The following MYEF2 variants were observed in gnomAD, a reference collection of about 807,000 sequenced individuals.
MYEF2 encodes the protein myelin gene expression factor 2.
In MYEF2, 37 loss-of-function variants were observed where a neutral mutation model predicts 75.2. That is an observed-to-expected ratio of 0.49 (90% CI 0.38 to 0.65). The LOEUF is 0.65. Ranked by LOEUF, MYEF2 falls within the 30% of genes least tolerant of loss-of-function variation. The pLI, the probability that MYEF2 is intolerant of heterozygous loss-of-function variation, is 0.00. For synonymous variants in MYEF2, 195 were observed against 241.6 expected, an observed-to-expected ratio of 0.81 and a Z score of 1.79; for missense variants, 634 against 771.4, an observed-to-expected ratio of 0.82 and a Z score of 2.11.
At chr15:48,145,112 T>C (rs1157615920) in intron 16 of MYEF2, among the ~76,000 whole-genome samples, 1 of 151,830 alleles carries the variant, frequency 6.6e-6, no homozygotes, top group African/African-American at 2.4e-5. Context: ...AAAAATTTTC[T>C]AGTTGACAAG....
intron 5 of MYEF2, among the ~76,000 whole-genome samples, chr15:48,161,674 C>A (rs770868695): frequency 7.3e-5 from 11 of 150,530 alleles, no homozygotes; most frequent in Admixed American, 3.3e-4. Context: ...ATTTAGCATC[C>A]AATATTATAT....
At position 48,153,843 on chromosome 15, in the gene MYEF2, T is replaced by C. The variant is rs139090316; in HGVS notation, c.1036A>G (p.Ser346Gly). 4 of 1,613,416 alleles carry C rather than the reference T, an allele frequency of 2.5e-6. No individual in the cohort carries two copies. The African/African-American group carries it at 5.3e-5, about 22-fold the overall frequency. ...CCACCTATGTTCAACTGGCTGGCAC[T>C]AATAGGCTGTCCACCCGGACCAAGT... The part of the protein sequence containing the change: ...MGLGPGGQPI[S>G]ASQLNIGGVM... Residue 346 changes from serine (S) to glycine (G), a missense_variant, in exon 10 of 17, where the codon AGT becomes GGT. Ser to Gly is a moderately conservative substitution (Grantham distance 56). Transcript: ENST00000324324.
At chr15:48,143,155 T>C (rs1390128244) in intron 16 of MYEF2, 84 bp from the exon 17 acceptor site, 19 of 786,294 alleles carry the variant, frequency 2.4e-5, no homozygotes, top group African/African-American at 5.4e-5. Context: ...TCATAGCCAA[T>C]TGTGATAATT....
chr15:48,142,219 C>A lies in MYEF2; in HGVS notation c.*689G>T, dbSNP rs1321704748. 2.5e-6 allele frequency: 4 copies of A among 1,613,662 alleles called. No individual in the cohort carries two copies. The highest frequency in any genetic ancestry group is 3.4e-6 in the Non-Finnish European group (4 of 1,179,856). On this transcript the variant is annotated 3_prime_UTR_variant, in exon 17 of 17. Coordinates refer to ENST00000324324, the MANE Select transcript of MYEF2 (RefSeq NM_016132.5). Reference sequence around the variant, plus strand: ...TTATTTTTCTTTTTTTAGCAGTTCACTTCAATGGCTGGAAACTAGACAGAA... The same window carrying A: ...TTATTTTTCTTTTTTTAGCAGTTCAATTCAATGGCTGGAAACTAGACAGAA...
chr15:48,137,819 A>C lies in MYEF2; in HGVS notation c.*5089T>G, dbSNP rs1345021595. On this transcript the variant is annotated 3_prime_UTR_variant, in exon 17 of 17. Transcript: ENST00000324324. The stretch of plus-strand genomic sequence containing the variant: ...GAAAGAAGAAAAACAGCTGAGGTTT[A>C]CCATTGTTTAAAGCAATAGCAAAAC... 6.6e-6 allele frequency: 1 copy of C among 152,176 alleles called. No homozygotes were observed. The highest frequency in any genetic ancestry group is 1.5e-5 in the Non-Finnish European group (1 of 68,020). The allele number at this position is 152,176 out of a possible 1,614,324, so 9.4% of individuals were successfully genotyped here. A position where few individuals can be genotyped will look rare whatever the true frequency, so the allele number is the denominator to read the frequency against.
intron 5 of MYEF2, among the ~76,000 whole-genome samples, chr15:48,162,152 C>T (rs1597335060): frequency 6.6e-6 from 1 of 151,942 alleles, no homozygotes; most frequent in Non-Finnish European, 1.5e-5. Flanking sequence ...ATCTGGGATA[C>T]ATGTTATATG....
At chr15:48,175,761 A>G (rs1003290283) in intron 1 of MYEF2, among the ~76,000 whole-genome samples, 20 of 152,154 alleles carry the variant, frequency 1.3e-4, no homozygotes, top group East Asian at 7.7e-4. Context: ...CACATGAATA[A>G]TAAAGTTATA....
At chr15:48,147,669 G>C (rs2039341712) in intron 16 of MYEF2, among the ~76,000 whole-genome samples, 1 of 151,860 alleles carries the variant, frequency 6.6e-6, no homozygotes, top group South Asian at 2.1e-4. Flanking sequence ...CTATTAACCA[G>C]TTAACTTGTT....
Position 48,141,909 on chromosome 15 carries a change from C to T in MYEF2, c.*999G>A. 2.8e-6 allele frequency: 2 copies of T among 724,444 alleles called. No homozygotes were observed. Among genetic ancestry groups the T allele is most frequent in the Non-Finnish European group, 4.3e-6 (2 of 466,850 alleles). The allele number at this position is 724,444 out of a possible 1,614,324, so 44.9% of individuals were successfully genotyped here. ...AAATTCAGTAAGACTTTTGCTCTAA[C>T]AACAATTTTTCAAAACGAATCAACA... On this transcript the variant is annotated 3_prime_UTR_variant, in exon 17 of 17. Transcript: ENST00000324324.
In MYEF2 at chr15:48,178,290, G is replaced by A; in HGVS notation, c.-53C>T. The A allele has an allele frequency of 3.0e-6, 4 of 1,353,080 alleles. No individual in the cohort carries two copies. Among genetic ancestry groups the A allele is most frequent in the African/African-American group, 3.1e-5 (2 of 64,856 alleles). 83.8% of individuals were successfully genotyped at this position (1,353,080 alleles called of 1,614,324 possible). On this transcript the variant is annotated 5_prime_UTR_variant, in exon 1 of 17. Coordinates refer to ENST00000324324, the MANE Select transcript of MYEF2 (RefSeq NM_016132.5). ...GCCTGAGCTGAGGGGCTCCGAGCGC[G>A]ACAATGGCGGCTGCCGGGGAAGCGG...
intron 9 of MYEF2, chr15:48,154,098 T>C (rs2039595297): frequency 2.1e-6 from 1 of 467,024 alleles, no homozygotes; most frequent in Non-Finnish European, 3.8e-6. Context: ...AGAAGTGTTT[T>C]ATGAAATAAA....
Position 48,139,291 on chromosome 15 carries a change from A to G in MYEF2, c.*3617T>C, listed in dbSNP as rs915196498. ...AAATTTCTTTTCAGCAAGATTGAAG[A>G]TTAGTACCATTTACAAAATGATTAA... On this transcript the variant is annotated 3_prime_UTR_variant, in exon 17 of 17. Coordinates refer to ENST00000324324, the MANE Select transcript of MYEF2 (RefSeq NM_016132.5). 4.0e-6 allele frequency: 3 copies of G among 752,608 alleles called. No individual in the cohort carries two copies. The African/African-American group carries it at 5.2e-5, about 13-fold the overall frequency. 46.6% of individuals were successfully genotyped at this position (752,608 alleles called of 1,614,324 possible). A position where few individuals can be genotyped will look rare whatever the true frequency, so the allele number is the denominator to read the frequency against.
chr15:48,145,186 C>T (rs570260249), intron 16 of MYEF2, among the ~76,000 whole-genome samples: 1 of 151,746 alleles, frequency 6.6e-6, no homozygotes, highest in Non-Finnish European at 1.5e-5. Context: ...TGGACAGTAG[C>T]CCATAAATAT....
chr15:48,151,657 G>T, intron 12 of MYEF2, 86 bp from the exon 13 acceptor site: 4 of 1,318,248 alleles, frequency 3.0e-6, no homozygotes, highest in South Asian at 1.3e-5. Flanking sequence ...ATTATGAAAA[G>T]ACGCGTAAGT....
At chr15:48,166,704 A>C (rs566843032) in intron 3 of MYEF2, among the ~76,000 whole-genome samples, 8 of 152,152 alleles carry the variant, frequency 5.3e-5, no homozygotes, top group African/African-American at 1.9e-4. Context: ...ATTGCCATTC[A>C]AAGTCCCATA....
At chr15:48,152,109 T>A in intron 11 of MYEF2, 125 bp downstream of exon 11, 2 of 1,179,732 alleles carry the variant, frequency 1.7e-6, no homozygotes, top group Non-Finnish European at 2.5e-6. Context: ...CAATTTCTGC[T>A]AGCAGCCTTT....
At position 48,149,362 on chromosome 15, in the gene MYEF2, A is replaced by AT; in HGVS notation, c.1387dup (p.Met463AsnfsTer3). 1 of 1,611,888 alleles carries AT rather than the reference A, an allele frequency of 6.2e-7. No individual in the cohort carries two copies. Among genetic ancestry groups the AT allele is most frequent in the South Asian group, 1.1e-5 (1 of 90,798 alleles). ...TCCAGTCACACTGTTCATGCTACCC[A>AT]TTCCACCACCTGGATTTTCAAGAAA... On this transcript the variant is annotated frameshift_variant, in exon 15 of 17. Coordinates refer to ENST00000324324, the MANE Select transcript of MYEF2 (RefSeq NM_016132.5). LOFTEE classifies it high-confidence loss of function. The surrounding 1 kb of genome is among the most constrained non-coding windows in gnomAD (Gnocchi z 4.0).
chr15:48,169,292 AT>A (rs2040239874), intron 1 of MYEF2, among the ~76,000 whole-genome samples: 2 of 152,202 alleles, frequency 1.3e-5, no homozygotes, highest in African/African-American at 4.8e-5. Context: ...TTAAAGGTTA[AT>A]AGTTTCTTCT....
In MYEF2 at chr15:48,135,427, C is replaced by G. The variant is rs2038872219; in HGVS notation, c.*7481G>C. ...TTTAAATTCCTCCAAACTTCTGATG[C>G]TCATTCAGGAGAAACTATAGCCTTC... On this transcript the variant is annotated 3_prime_UTR_variant, in exon 17 of 17. Coordinates refer to ENST00000324324, the MANE Select transcript of MYEF2 (RefSeq NM_016132.5). The G allele has an allele frequency of 6.5e-6, 1 of 153,348 alleles. No homozygotes were observed. Among genetic ancestry groups the G allele is most frequent in the Non-Finnish European group, 1.5e-5 (1 of 68,812 alleles). The allele number at this position is 153,348 out of a possible 1,614,324, so 9.5% of individuals were successfully genotyped here. A position where few individuals can be genotyped will look rare whatever the true frequency, so the allele number is the denominator to read the frequency against.
Sources: allele counts gnomAD v4.1 joint callset (sites outside exome capture counted in the v4.1 genomes callset), GRCh38; gene constraint gnomAD v4.1.1; non-coding constraint Gnocchi (gnomAD v3.1); transcripts MANE v1.5; gene names NCBI Gene and HGNC (gene_info 2026-07-23, HGNC 2026-07-21).